The following PCMTD1 variants were observed in gnomAD, a reference collection of about 807,000 sequenced individuals.
The protein encoded by PCMTD1 is protein-L-isoaspartate (D-aspartate) O-methyltransferase domain containing 1.
In PCMTD1, 12 loss-of-function variants were observed where a neutral mutation model predicts 37.6. That is an observed-to-expected ratio of 0.32 (90% CI 0.20 to 0.52). PCMTD1 has a LOEUF of 0.52. Ranked by LOEUF, PCMTD1 falls within the 20% of genes least tolerant of loss-of-function variation. PCMTD1 has a pLI of 0.97. For missense variants in PCMTD1, 235 were observed against 421.3 expected, an observed-to-expected ratio of 0.56 and a Z score of 3.87; for synonymous variants, 117 against 135.8, an observed-to-expected ratio of 0.86 and a Z score of 0.96.
Position 51,869,924 on chromosome 8 carries a change from C to T in PCMTD1, c.-95-8678G>A, listed in dbSNP as rs550874859. Among the ~76,000 whole-genome samples the T allele has an allele frequency of 2.6e-4, 39 of 152,258 alleles. No homozygotes were observed. In the South Asian group the frequency reaches 7.7e-3, roughly 30 times the overall value. On this transcript the variant is annotated intron_variant, in intron 1 of 5. Transcript: ENST00000522514. ...GAAACTATCTGCAAAGTGTTCCAAA[C>T]GTTTCTTGCTATTATTCCAAAATTT...
chr8:51,840,248 T>G (rs974739183), intron 3 of PCMTD1, among the ~76,000 whole-genome samples: 1 of 152,208 alleles, frequency 6.6e-6, no homozygotes, highest in African/African-American at 2.4e-5. Flanking sequence ...GTAAGTCATA[T>G]AAAGGTGAGC....
intron 3 of PCMTD1, among the ~76,000 whole-genome samples, chr8:51,839,227 C>T (rs2038111187): frequency 1.3e-5 from 2 of 151,890 alleles, no homozygotes; most frequent in African/African-American, 2.4e-5. Context: ...ATAATAACCA[C>T]AAAATCATTC....
chr8:51,845,677 T>C lies in PCMTD1; in HGVS notation c.394A>G (p.Ser132Gly). The C allele has an allele frequency of 6.2e-7, 1 of 1,611,686 alleles. No homozygotes were observed. The highest frequency in any genetic ancestry group is 8.5e-7 in the Non-Finnish European group (1 of 1,178,478). Residue 132 changes from serine to glycine, a missense_variant, in exon 3 of 6, where the codon AGT (serine) becomes GGT (glycine). Ser to Gly is a moderately conservative substitution (Grantham distance 56). Coordinates refer to ENST00000522514, the MANE Select transcript of PCMTD1 (RefSeq NM_052937.4). Reference protein sequence around the residue: ...KEKLESFIKNSDSFDKFEFCE... With the variant: ...KEKLESFIKNGDSFDKFEFCE... Reference sequence around the variant, plus strand: ...AATACTTACTTATCAAAGCTATCACTATTTTTGATGAAGCTCTCCAGTTTT... The same window carrying C: ...AATACTTACTTATCAAAGCTATCACCATTTTTGATGAAGCTCTCCAGTTTT...
At chr8:51,884,019 C>G (rs1475294730) in intron 1 of PCMTD1, among the ~76,000 whole-genome samples, 1 of 152,104 alleles carries the variant, frequency 6.6e-6, no homozygotes, top group African/African-American at 2.4e-5. Flanking sequence ...CAAGGGCATA[C>G]TGAAAGAATT....
chr8:51,886,800 C>A (rs1304077158), intron 1 of PCMTD1, among the ~76,000 whole-genome samples: 3 of 152,162 alleles, frequency 2.0e-5, no homozygotes, highest in Admixed American at 1.3e-4. Flanking sequence ...CTTAAAACCA[C>A]ACAAGTTTAT....
chr8:51,842,723 A>T (rs555010714), intron 3 of PCMTD1, among the ~76,000 whole-genome samples: 1 of 152,232 alleles, frequency 6.6e-6, no homozygotes, highest in African/African-American at 2.4e-5. Flanking sequence ...GTTTACTATG[A>T]TCTTAAATAT....
intron 1 of PCMTD1, among the ~76,000 whole-genome samples, chr8:51,867,334 TTC>T (rs2038569680): frequency 6.6e-6 from 1 of 152,030 alleles, no homozygotes; most frequent in Non-Finnish European, 1.5e-5. Flanking sequence ...GTAATCCCAC[TTC>T]TGAGTCTATA....
chr8:51,861,587 A>C (rs1359236547), intron 1 of PCMTD1, among the ~76,000 whole-genome samples: 1 of 152,208 alleles, frequency 6.6e-6, no homozygotes, highest in East Asian at 1.9e-4. Flanking sequence ...AAATTCCATT[A>C]GTCAACCTAC....
At position 51,817,858 on chromosome 8, in the gene PCMTD1, T is replaced by C. The variant is rs530928695; in HGVS notation, c.*2493A>G. 1.3e-5 allele frequency: 6 copies of C among 456,812 alleles called. No homozygotes were observed. Among genetic ancestry groups the C allele is most frequent in the East Asian group, 1.4e-4 (2 of 14,404 alleles). The allele number at this position is 456,812 out of a possible 1,614,324, so 28.3% of individuals were successfully genotyped here. A position where few individuals can be genotyped will look rare whatever the true frequency, so the allele number is the denominator to read the frequency against. On this transcript the variant is annotated 3_prime_UTR_variant, in exon 6 of 6. Transcript: ENST00000522514. ...ATTGATCTGATGCTAGAAGCTATCTTAGGCCCTGTCTCTAACTCACTGTAT... is the reference window on the plus strand; with the variant it reads ...ATTGATCTGATGCTAGAAGCTATCTCAGGCCCTGTCTCTAACTCACTGTAT...
chr8:51,820,278 T>C lies in PCMTD1; in HGVS notation c.*73A>G. ...TCTGATGAAAGAAATAATTCTCTCT[T>C]TTAACTCCTAACAAATGCTACATTT... On this transcript the variant is annotated 3_prime_UTR_variant, in exon 6 of 6. Transcript: ENST00000522514. 7.3e-7 allele frequency: 1 copy of C among 1,364,560 alleles called. No individual in the cohort carries two copies. Among genetic ancestry groups the C allele is most frequent in the Non-Finnish European group, 9.7e-7 (1 of 1,036,090 alleles). 84.5% of individuals were successfully genotyped at this position (1,364,560 alleles called of 1,614,324 possible). A position where few individuals can be genotyped will look rare whatever the true frequency, so the allele number is the denominator to read the frequency against.
chr8:51,848,212 T>C (rs2038251522), intron 2 of PCMTD1, among the ~76,000 whole-genome samples: 1 of 151,908 alleles, frequency 6.6e-6, no homozygotes, highest in Admixed American at 6.6e-5. Context: ...TTGCTGGCAC[T>C]CTTATGTTTC....
chr8:51,856,557 T>G lies in PCMTD1; in HGVS notation c.307+4288A>C, dbSNP rs1251679399. Reference sequence around the variant, plus strand: ...ATCCACACAAAGATTTGTACCTAAATGCTCATAATGGCATTATGCATTTGG... The same window carrying G: ...ATCCACACAAAGATTTGTACCTAAAGGCTCATAATGGCATTATGCATTTGG... On this transcript the variant is annotated intron_variant, in intron 2 of 5. Transcript: ENST00000522514. 3.9e-5 allele frequency among the ~76,000 whole-genome samples: 6 copies of G among 152,330 alleles called. No individual in the cohort carries two copies. In the East Asian group the frequency reaches 1.2e-3, roughly 29 times the overall value.
rs1464774596 is a variant in PCMTD1, at chr8:51,831,693, T to A, written c.583-126A>T. ...AGCTACACAATCACTTAAATGTAAA[T>A]GTGACCAAATTAATTCCATTTAAAT... On this transcript the variant is annotated intron_variant, in intron 4 of 5. Transcript: ENST00000522514. 4 of 858,436 alleles carry A rather than the reference T, an allele frequency of 4.7e-6. No individual in the cohort carries two copies. The African/African-American group carries it at 6.9e-5, about 15-fold the overall frequency. The allele number at this position is 858,436 out of a possible 1,614,324, so 53.2% of individuals were successfully genotyped here. A position where few individuals can be genotyped will look rare whatever the true frequency, so the allele number is the denominator to read the frequency against.
intron 2 of PCMTD1, among the ~76,000 whole-genome samples, chr8:51,857,781 TA>T (rs1431574072): frequency 6.6e-6 from 1 of 152,228 alleles, no homozygotes; most frequent in African/African-American, 2.4e-5. Context: ...TCGATAAAAG[TA>T]AATTTATGAA....
At position 51,850,868 on chromosome 8, in the gene PCMTD1, A is replaced by G. The variant is rs182421275; in HGVS notation, c.308-5105T>C. ...TTTATAAGCAACTTTGTAAGTATTC[A>G]GGGAGAGTAAAGGGTAAAAAGTCGA... On this transcript the variant is annotated intron_variant, in intron 2 of 5. Transcript: ENST00000522514. Among the ~76,000 whole-genome samples the G allele has an allele frequency of 8.5e-5, 13 of 152,316 alleles. No homozygotes were observed. In the East Asian group the frequency reaches 2.3e-3, roughly 27 times the overall value.
intron 2 of PCMTD1, among the ~76,000 whole-genome samples, chr8:51,853,161 AAC>A (rs1241034995): frequency 1.3e-5 from 2 of 152,248 alleles, no homozygotes; most frequent in African/African-American, 4.8e-5. Context: ...TTATAAACGT[AAC>A]ACACAGAGAT....
At position 51,820,194 on chromosome 8, in the gene PCMTD1, T is replaced by C. The variant is rs999559360; in HGVS notation, c.*157A>G. The C allele has an allele frequency of 7.6e-5, 43 of 566,576 alleles. No individual in the cohort carries two copies. In the Admixed American group the frequency reaches 1.6e-3, roughly 21 times the overall value. The allele number at this position is 566,576 out of a possible 1,614,324, so 35.1% of individuals were successfully genotyped here. On this transcript the variant is annotated 3_prime_UTR_variant, in exon 6 of 6. Coordinates refer to ENST00000522514, the MANE Select transcript of PCMTD1 (RefSeq NM_052937.4). ...TTATAAAAGGGATTCTTTTATTCACTGAATACATCATTTGTGTTACTGACA... is the reference window on the plus strand; with the variant it reads ...TTATAAAAGGGATTCTTTTATTCACCGAATACATCATTTGTGTTACTGACA...
chr8:51,854,361 T>C (rs1451491181), intron 2 of PCMTD1, among the ~76,000 whole-genome samples: 2 of 123,712 alleles, frequency 1.6e-5, no homozygotes, highest in Admixed American at 9.3e-5. Flanking sequence ...CCACAACCAG[T>C]GTAAGTGAGA....
rs141194292 is a variant in PCMTD1 at position 51,826,238 on chromosome 8, C to G, written c.706+5206G>C. On this transcript the variant is annotated intron_variant, in intron 5 of 5. Transcript: ENST00000522514. ...CAGGAACATGGATGAAGCTGGAAAC[C>G]ATCATTCTCAGCAAACTATCACAAG... is the stretch of plus-strand genomic sequence containing the variant. 4.9e-3 allele frequency among the ~76,000 whole-genome samples: 740 copies of G among 152,252 alleles called. 6 individuals carry two copies. Among genetic ancestry groups the G allele is most frequent in the African/African-American group, 0.017 (710 of 41,548 alleles).
Sources: allele counts gnomAD v4.1 joint callset (sites outside exome capture counted in the v4.1 genomes callset), GRCh38; gene constraint gnomAD v4.1.1; transcripts MANE v1.5; gene names NCBI Gene and HGNC (gene_info 2026-07-23, HGNC 2026-07-21).